The following DOCK1 variants were observed in gnomAD, a reference collection of about 807,000 sequenced individuals.
DOCK1 encodes dedicator of cytokinesis 1.
DOCK1 carries 138 observed loss-of-function variants against 262.7 expected under a neutral mutation model. That is an observed-to-expected ratio of 0.53 (90% CI 0.46 to 0.61). The LOEUF (loss-of-function observed/expected upper bound fraction) is 0.61. Ranked by LOEUF, DOCK1 falls within the 20% of genes least tolerant of loss-of-function variation. The probability of loss-of-function intolerance (pLI) is 0.00; values close to 1 mark genes in which losing one functional copy is unlikely to be tolerated. For missense variants in DOCK1, 1,908 were observed against 2,370.7 expected (o/e 0.80, Z 4.05); for synonymous variants, 866 against 867.4 (o/e 1.00, Z 0.03).
At position 127,125,621 on chromosome 10, in the gene DOCK1, G is replaced by A. The variant is rs371666904; in HGVS notation, c.2751+20G>A. ...GACGTGGTGAGTGTTGGCTCTGTGCGTGACGTCCTGCCATTTGCCTGAACC... is the reference window on the plus strand; with the variant it reads ...GACGTGGTGAGTGTTGGCTCTGTGCATGACGTCCTGCCATTTGCCTGAACC... On this transcript the variant is annotated intron_variant, in intron 26 of 51. Coordinates refer to ENST00000623213, the MANE Select transcript of DOCK1 (RefSeq NM_001290223.2). 1.6e-5 allele frequency: 26 copies of A among 1,604,842 alleles called. No individual in the cohort carries two copies. The highest frequency in any genetic ancestry group is 1.5e-4 in the African/African-American group (11 of 74,634).
intron 23 of DOCK1, among the ~76,000 whole-genome samples, chr10:127,104,689 C>A (rs545168652): frequency 1.3e-4 from 20 of 152,254 alleles, no homozygotes; most frequent in African/African-American, 4.8e-4. Context: ...AAGTATCTGG[C>A]GTGAATGTTA....
At chr10:127,234,416 A>T (rs537429218) in intron 27 of DOCK1, among the ~76,000 whole-genome samples, 1 of 152,238 alleles carries the variant, frequency 6.6e-6, no homozygotes, top group Admixed American at 6.5e-5. Context: ...AGGGTTATTT[A>T]AAAAAGCACT....
intron 23 of DOCK1, among the ~76,000 whole-genome samples, chr10:127,085,185 C>T (rs1474405802): frequency 2.6e-5 from 4 of 152,164 alleles, no homozygotes; most frequent in Non-Finnish European, 5.9e-5. Flanking sequence ...TTTTGTACAA[C>T]AGTAAGCAGG....
chr10:126,980,240 T>A (rs998942321), intron 3 of DOCK1, among the ~76,000 whole-genome samples: 1 of 152,152 alleles, frequency 6.6e-6, no homozygotes, highest in African/African-American at 2.4e-5. Flanking sequence ...TGGCTCAGAC[T>A]GAGTGCGGTG....
chr10:127,238,763 G>A (rs576919587), intron 27 of DOCK1, among the ~76,000 whole-genome samples: 1 of 152,280 alleles, frequency 6.6e-6, no homozygotes, highest in South Asian at 2.1e-4. Flanking sequence ...TCCCACTGAG[G>A]TCATTCTGGT....
At chr10:127,096,634 T>C (rs1026123992) in intron 23 of DOCK1, among the ~76,000 whole-genome samples, 5 of 152,022 alleles carry the variant, frequency 3.3e-5, no homozygotes, top group African/African-American at 1.2e-4. Flanking sequence ...GCCTGAACTT[T>C]ATTCTAAAAT....
chr10:127,253,731 C>T (rs1286254400), intron 28 of DOCK1, among the ~76,000 whole-genome samples: 2 of 151,844 alleles, frequency 1.3e-5, no homozygotes, highest in Non-Finnish European at 2.9e-5. Context: ...AAAAAATAGC[C>T]AGGTATGATA....
intron 23 of DOCK1, among the ~76,000 whole-genome samples, chr10:127,076,432 T>G (rs959650094): frequency 1.3e-5 from 2 of 151,748 alleles, no homozygotes; most frequent in Non-Finnish European, 2.9e-5. Flanking sequence ...ACCCGGGAGG[T>G]AGAGGTTGCA....
At chr10:127,138,606 T>A (rs1325122841) in intron 27 of DOCK1, among the ~76,000 whole-genome samples, 1 of 152,048 alleles carries the variant, frequency 6.6e-6, no homozygotes, top group Admixed American at 6.5e-5. Context: ...GTTCATGGAG[T>A]CAACACCATT....
At chr10:127,033,092 C>T (rs1339428597) in intron 18 of DOCK1, among the ~76,000 whole-genome samples, 2 of 152,202 alleles carry the variant, frequency 1.3e-5, no homozygotes, top group Admixed American at 6.5e-5. Flanking sequence ...CCTCAAAGGG[C>T]TTAGTGAGGG....
chr10:127,005,719 G>T (rs1293823899), intron 10 of DOCK1, among the ~76,000 whole-genome samples: 3 of 152,102 alleles, frequency 2.0e-5, no homozygotes, highest in Non-Finnish European at 4.4e-5. Context: ...AGTACCTCAT[G>T]TTTATTCTGA....
intron 27 of DOCK1, among the ~76,000 whole-genome samples, chr10:127,169,255 G>A (rs566292031): frequency 7.2e-5 from 11 of 152,262 alleles, no homozygotes; most frequent in South Asian, 2.1e-4. Flanking sequence ...ACAATTAAGC[G>A]TATATTTGAA....
chr10:127,176,540 G>A lies in DOCK1; in HGVS notation c.2847+48776G>A, dbSNP rs1011508703. ...CAGGTGAGGTCGGCCTTTATGTTAA[G>A]GAAAATCACACGGGCTGAGAGTCGC... On this transcript the variant is annotated intron_variant, in intron 27 of 51. Transcript: ENST00000623213. This position sits in a 1 kb window ranked among gnomAD's most constrained non-coding sequence, Gnocchi z 4.4. 2 of 677,694 alleles carry A rather than the reference G, an allele frequency of 3.0e-6. No individual in the cohort carries two copies. Among genetic ancestry groups the A allele is most frequent in the African/African-American group, 3.6e-5 (2 of 55,620 alleles). 42.0% of individuals were successfully genotyped at this position (677,694 alleles called of 1,614,324 possible). A position where few individuals can be genotyped will look rare whatever the true frequency, so the allele number is the denominator to read the frequency against.
intron 27 of DOCK1, among the ~76,000 whole-genome samples, chr10:127,223,468 G>A (rs79203899): frequency 0.013 from 2,012 of 152,084 alleles, 49 homozygotes; most frequent in African/African-American, 0.046. Flanking sequence ...ATTCGAAATC[G>A]GAAATGCTCC....
chr10:126,952,965 T>G (rs949260853), intron 1 of DOCK1, among the ~76,000 whole-genome samples: 13 of 110,254 alleles, frequency 1.2e-4, no homozygotes, highest in Non-Finnish European at 1.7e-4. Flanking sequence ...GTATTTTTTG[T>G]TGGTGGTATT....
intron 51 of DOCK1, among the ~76,000 whole-genome samples, chr10:127,450,839 G>A (rs1009960799): frequency 4.8e-4 from 73 of 152,282 alleles, no homozygotes; most frequent in African/African-American, 1.7e-3. Flanking sequence ...CCGCTTTTCG[G>A]CCACACCAGT....
At chr10:127,030,838 C>G (rs1303038210) in intron 16 of DOCK1, among the ~76,000 whole-genome samples, 1 of 151,592 alleles carries the variant, frequency 6.6e-6, no homozygotes, top group Non-Finnish European at 1.5e-5. Context: ...CTATCTCTGT[C>G]TCTCTGTCAC....
chr10:127,004,651 A>G (rs1001286663), intron 10 of DOCK1, among the ~76,000 whole-genome samples: 7 of 150,986 alleles, frequency 4.6e-5, no homozygotes, highest in Admixed American at 1.3e-4. Flanking sequence ...CAAGAGGCTG[A>G]GGTGGGGGGA....
intron 1 of DOCK1, among the ~76,000 whole-genome samples, chr10:126,960,926 G>A (rs951107068): frequency 3.4e-4 from 52 of 151,498 alleles, no homozygotes; most frequent in African/African-American, 1.2e-3. Context: ...GGCATACAGA[G>A]ATATTTTATT....
Sources: gnomAD v4.1 joint callset for allele counts (sites outside exome capture counted in the v4.1 genomes callset) on GRCh38, gnomAD v4.1.1 for gene constraint, Gnocchi (gnomAD v3.1) non-coding constraint, MANE v1.5 for transcripts, NCBI Gene and HGNC (gene_info 2026-07-23, HGNC 2026-07-21) for gene names.